The following KCNN2 variants were observed in gnomAD, a reference collection of about 807,000 sequenced individuals.
KCNN2 encodes the protein potassium calcium-activated channel subfamily N member 2, also known as small conductance calcium-activated potassium channel protein 2.
A neutral mutation model predicts 55.5 loss-of-function variants in KCNN2; 24 were observed. That is an observed-to-expected ratio of 0.43 (90% CI 0.31 to 0.61). KCNN2 has a LOEUF of 0.61. Among genes scored for constraint, KCNN2 ranks in the 20% least tolerant of loss-of-function variants. The pLI is 0.08. For missense variants in KCNN2, 754 were observed against 853.6 expected (o/e 0.88, Z 1.45); for synonymous variants, 431 against 336.1 (o/e 1.28, Z -3.09).
chr5:114,492,328 TTCTC>T (rs914347894), intron 6 of KCNN2, among the ~76,000 whole-genome samples: 13 of 152,256 alleles, frequency 8.5e-5, no homozygotes, highest in African/African-American at 3.1e-4. Context: ...TAATAAAAAA[TTCTC>T]TCTCTAGCAT....
At chr5:114,486,876 G>A in intron 5 of KCNN2, 174 bp from the exon 6 acceptor site, 1 of 1,140,536 alleles carries the variant, frequency 8.8e-7, no homozygotes. Flanking sequence ...TTCCCAGGCA[G>A]GTACAAGTAC....
At chr5:114,222,549 C>T in intron 2 of KCNN2, among the ~76,000 whole-genome samples, 1 of 152,152 alleles carries the variant, frequency 6.6e-6, no homozygotes, top group East Asian at 1.9e-4. Flanking sequence ...TCATGTATCT[C>T]AGTGTGCAAA....
chr5:114,364,134 A>G, intron 2 of KCNN2, 133 bp downstream of exon 2: 1 of 653,830 alleles, frequency 1.5e-6, no homozygotes, highest in Non-Finnish European at 2.7e-6. Context: ...CTGTATTGTT[A>G]CCGTTAGCAC....
At chr5:114,151,392 A>G (rs1752520856) in intron 1 of KCNN2, among the ~76,000 whole-genome samples, 1 of 151,900 alleles carries the variant, frequency 6.6e-6, no homozygotes, top group Non-Finnish European at 1.5e-5. Flanking sequence ...CCGTCCTGCC[A>G]CTCCAGCTCC....
chr5:114,313,080 GT>G (rs752093998), intron 2 of KCNN2, among the ~76,000 whole-genome samples: 17 of 152,098 alleles, frequency 1.1e-4, no homozygotes, highest in South Asian at 6.2e-4. Context: ...CTTTGTTTTT[GT>G]TCATTTGGCT....
At chr5:114,313,582 A>C (rs1756446220) in intron 2 of KCNN2, among the ~76,000 whole-genome samples, 4 of 152,178 alleles carry the variant, frequency 2.6e-5, no homozygotes, top group Admixed American at 1.3e-4. Flanking sequence ...TGGTCACAGC[A>C]GTTCACTCAG....
rs1554074534 is a variant in KCNN2 at position 114,202,586 on chromosome 5, T to TATA, written c.-270-18894_-270-18893insATA. ...GTGTGTGTATATATATATATATATA[T>TATA]TTTTTTTTTTTTTTTCCCGAGACAG... On this transcript the variant is annotated intron_variant, in intron 1 of 10. Coordinates refer to the KCNN2 transcript ENST00000512097. Among the ~76,000 whole-genome samples, 529 of 66,762 alleles carry TATA rather than the reference T, an allele frequency of 7.9e-3. 1 individual carries two copies. Among genetic ancestry groups the TATA allele is most frequent in the South Asian group, 0.024 (42 of 1,728 alleles). The allele number at this position is 66,762 out of a possible 152,430, so 43.8% of individuals were successfully genotyped here.
intron 1 of KCNN2, among the ~76,000 whole-genome samples, chr5:114,195,672 A>G (rs1404499829): frequency 6.6e-6 from 1 of 151,978 alleles, no homozygotes; most frequent in South Asian, 2.1e-4. Context: ...TGCCTTTTAT[A>G]TCTTTTTATT....
chr5:114,400,917 A>G (rs555423836), intron 2 of KCNN2, among the ~76,000 whole-genome samples: 46 of 151,006 alleles, frequency 3.0e-4, no homozygotes, highest in Non-Finnish European at 5.7e-4. Context: ...CTTCATAACA[A>G]TGTCCAAAAG....
At chr5:114,491,636 T>A (rs1233239245) in intron 6 of KCNN2, among the ~76,000 whole-genome samples, 2 of 151,850 alleles carry the variant, frequency 1.3e-5, no homozygotes, top group Non-Finnish European at 2.9e-5. Flanking sequence ...CTAAAAGGAT[T>A]AACTGTTTTC....
At chr5:114,112,714 A>T (rs1052971204) in intron 1 of KCNN2, among the ~76,000 whole-genome samples, 1 of 152,140 alleles carries the variant, frequency 6.6e-6, no homozygotes, top group African/African-American at 2.4e-5. Flanking sequence ...GCAAATAAGT[A>T]TGTGGGTGGA....
chr5:114,083,917 G>A (rs1230721273), intron 1 of KCNN2, among the ~76,000 whole-genome samples: 1 of 152,038 alleles, frequency 6.6e-6, no homozygotes, highest in Admixed American at 6.6e-5. Context: ...GTTTTTGAAT[G>A]TTGGAATCGT....
At chr5:114,434,346 ATCTC>A (rs1244541144) in intron 3 of KCNN2, among the ~76,000 whole-genome samples, 1 of 151,592 alleles carries the variant, frequency 6.6e-6, no homozygotes, top group Non-Finnish European at 1.5e-5. Flanking sequence ...TACAATTTCT[ATCTC>A]TCTGCTTACC....
chr5:114,231,635 C>T (rs934079626), intron 2 of KCNN2, among the ~76,000 whole-genome samples: 11 of 151,248 alleles, frequency 7.3e-5, no homozygotes, highest in Middle Eastern at 3.4e-3. Flanking sequence ...ATTTACTTAT[C>T]TTTTACTTCT....
intron 2 of KCNN2, among the ~76,000 whole-genome samples, chr5:114,249,447 C>T (rs1343206205): frequency 6.6e-6 from 1 of 151,584 alleles, no homozygotes; most frequent in Non-Finnish European, 1.5e-5. Context: ...CCACTACACC[C>T]AGCTAATTTT....
intron 1 of KCNN2, among the ~76,000 whole-genome samples, chr5:114,081,664 C>G (rs1259289305): frequency 6.6e-6 from 1 of 152,168 alleles, no homozygotes; most frequent in African/African-American, 2.4e-5. Context: ...AGACCTAAAA[C>G]TCTTAGAAGA....
intron 1 of KCNN2, among the ~76,000 whole-genome samples, chr5:114,128,932 G>T (rs896016386): frequency 6.6e-6 from 1 of 152,142 alleles, no homozygotes; most frequent in Non-Finnish European, 1.5e-5. Flanking sequence ...TAAATAAAAA[G>T]AATCATTGTG....
intron 2 of KCNN2, among the ~76,000 whole-genome samples, chr5:114,403,788 G>GA (rs1200738067): frequency 9.9e-5 from 15 of 151,980 alleles, no homozygotes; most frequent in Non-Finnish European, 2.1e-4. Flanking sequence ...GAAACAGGAG[G>GA]AAAAAGGGAA....
chr5:114,270,600 G>C (rs1372692134), intron 2 of KCNN2, among the ~76,000 whole-genome samples: 1 of 152,112 alleles, frequency 6.6e-6, no homozygotes, highest in Non-Finnish European at 1.5e-5. Flanking sequence ...AATCATTAAG[G>C]ACTAAATTAT....
Sources: allele counts gnomAD v4.1 joint callset (sites outside exome capture counted in the v4.1 genomes callset), GRCh38; gene constraint gnomAD v4.1.1; transcripts MANE v1.5; gene names NCBI Gene and HGNC (gene_info 2026-07-23, HGNC 2026-07-21).